CLRN1: variants seen among roughly 807,000 people sequenced by gnomAD.
CLRN1 encodes the protein clarin 1, also known as clarin-1.
In CLRN1, 15 loss-of-function variants were observed where a neutral mutation model predicts 18.7. The observed-to-expected ratio is 0.80, with a 90% CI of 0.54 to 1.23. The LOEUF (loss-of-function observed/expected upper bound fraction) is 1.23. Ranked by LOEUF, CLRN1 falls within the 50% of genes most tolerant of loss-of-function variation. The pLI is 0.00. For synonymous variants in CLRN1, 104 were observed against 102.9 expected, an observed-to-expected ratio of 1.01 and a Z score of -0.07; for missense variants, 311 against 277.5, an observed-to-expected ratio of 1.12 and a Z score of -0.86.
chr3:150,950,212 G>A (rs1714409883), intron 1 of CLRN1, among the ~76,000 whole-genome samples: 1 of 152,142 alleles, frequency 6.6e-6, no homozygotes, highest in South Asian at 2.1e-4. Flanking sequence ...AAAAACCCTA[G>A]AAGACAACCT....
intron 1 of CLRN1, among the ~76,000 whole-genome samples, chr3:150,968,046 G>A (rs567668090): frequency 1.3e-5 from 2 of 152,264 alleles, no homozygotes; most frequent in African/African-American, 2.4e-5. Context: ...GACTAAAGTT[G>A]CAAGCTGTGA....
At chr3:150,958,465 AC>A (rs1156448689) in intron 1 of CLRN1, among the ~76,000 whole-genome samples, 2 of 152,104 alleles carry the variant, frequency 1.3e-5, no homozygotes, top group African/African-American at 4.8e-5. Flanking sequence ...TACAAGATAG[AC>A]TTAACTGCCT....
At chr3:150,944,276 A>C (rs1714031922) in intron 1 of CLRN1, 1 of 229,560 alleles carries the variant, frequency 4.4e-6, no homozygotes, top group African/African-American at 2.3e-5. Context: ...TGTTGTACCC[A>C]CTGGATCCTG....
At chr3:150,952,497 G>A (rs966264820) in intron 1 of CLRN1, among the ~76,000 whole-genome samples, 27 of 152,128 alleles carry the variant, frequency 1.8e-4, no homozygotes, top group Admixed American at 1.8e-3. Context: ...TCAATTTAAC[G>A]ATATTTCAAC....
At chr3:150,969,595 G>A (rs1264543911) in intron 1 of CLRN1, among the ~76,000 whole-genome samples, 1 of 151,852 alleles carries the variant, frequency 6.6e-6, no homozygotes, top group African/African-American at 2.4e-5. Flanking sequence ...CCAAAAGTTG[G>A]GATTACAGGC....
intron 1 of CLRN1, among the ~76,000 whole-genome samples, chr3:150,955,307 G>T (rs1190938175): frequency 6.6e-6 from 1 of 152,196 alleles, no homozygotes; most frequent in African/African-American, 2.4e-5. Flanking sequence ...CTATATCTTT[G>T]TTGTGGTAGT....
intron 2 of CLRN1, among the ~76,000 whole-genome samples, chr3:150,935,989 G>T (rs1201356117): frequency 2.0e-5 from 3 of 151,914 alleles, no homozygotes; most frequent in Admixed American, 6.6e-5. Flanking sequence ...TTTTGATGGG[G>T]TTGTTTGTTT....
At chr3:150,964,777 A>C (rs866134998) in intron 1 of CLRN1, among the ~76,000 whole-genome samples, 1 of 152,238 alleles carries the variant, frequency 6.6e-6, no homozygotes, top group African/African-American at 2.4e-5. Flanking sequence ...GGAAACCATC[A>C]TTCTCAGCAA....
chr3:150,928,261 G>A, intron 2 of CLRN1, 60 bp from the exon 3 acceptor site: 1 of 1,592,084 alleles, frequency 6.3e-7, no homozygotes, highest in Non-Finnish European at 8.6e-7. Context: ...GGACAGGGAA[G>A]AGGGTCAATG....
chr3:150,963,027 C>T (rs748450753), intron 1 of CLRN1, among the ~76,000 whole-genome samples: 1 of 152,194 alleles, frequency 6.6e-6, no homozygotes, highest in African/African-American at 2.4e-5. Context: ...AGGTGGTGAA[C>T]ACTCCTATTC....
intron 1 of CLRN1, among the ~76,000 whole-genome samples, chr3:150,968,027 T>A (rs953061826): frequency 2.6e-5 from 4 of 152,232 alleles, no homozygotes; most frequent in African/African-American, 9.6e-5. Context: ...AAAATGCTTT[T>A]CAAAGTATGA....
At chr3:150,958,772 C>T (rs192412924) in intron 1 of CLRN1, among the ~76,000 whole-genome samples, 82 of 152,256 alleles carry the variant, frequency 5.4e-4, no homozygotes, top group Admixed American at 4.8e-3. Flanking sequence ...GCTACTCATC[C>T]ATCTATAGCT....
intron 1 of CLRN1, among the ~76,000 whole-genome samples, chr3:150,966,052 G>T (rs1715242544): frequency 6.6e-6 from 1 of 152,226 alleles, no homozygotes; most frequent in Non-Finnish European, 1.5e-5. Flanking sequence ...AGGCGTAGTG[G>T]CTTATGCCCA....
At chr3:150,953,580 T>G (rs1714594132) in intron 1 of CLRN1, among the ~76,000 whole-genome samples, 1 of 152,208 alleles carries the variant, frequency 6.6e-6, no homozygotes, top group Non-Finnish European at 1.5e-5. Flanking sequence ...ACCCAGGCAG[T>G]GGGTGGAGCC....
chr3:150,929,647 C>A (rs976612429), intron 2 of CLRN1, among the ~76,000 whole-genome samples: 1 of 152,200 alleles, frequency 6.6e-6, no homozygotes, highest in Non-Finnish European at 1.5e-5. Context: ...TAATTGGTAG[C>A]TATTCATATG....
intron 2 of CLRN1, among the ~76,000 whole-genome samples, chr3:150,933,932 C>T (rs1346454822): frequency 6.6e-6 from 1 of 152,162 alleles, no homozygotes; most frequent in Non-Finnish European, 1.5e-5. Flanking sequence ...GGCCTCTTTT[C>T]TAAGTTCTAT....
chr3:150,970,018 A>G (rs1040684389), intron 1 of CLRN1, among the ~76,000 whole-genome samples: 1 of 152,210 alleles, frequency 6.6e-6, no homozygotes, highest in African/African-American at 2.4e-5. Context: ...ATGTTTGCTT[A>G]ATAACTTTCT....
At chr3:150,968,304 A>G (rs1715357153) in intron 1 of CLRN1, among the ~76,000 whole-genome samples, 1 of 152,230 alleles carries the variant, frequency 6.6e-6, no homozygotes, top group African/African-American at 2.4e-5. Context: ...TTTAGAGTTT[A>G]AACATCATCA....
chr3:150,950,915 G>A (rs561990853), intron 1 of CLRN1, among the ~76,000 whole-genome samples: 2 of 152,250 alleles, frequency 1.3e-5, no homozygotes, highest in South Asian at 4.1e-4. Flanking sequence ...ATGACAGACT[G>A]GATAAAGAAA....
Sources: allele counts gnomAD v4.1 joint callset (sites outside exome capture counted in the v4.1 genomes callset), GRCh38; gene constraint gnomAD v4.1.1; transcripts MANE v1.5; gene names NCBI Gene and HGNC (gene_info 2026-07-23, HGNC 2026-07-21).